The following NEMP2 variants were observed in gnomAD, a reference collection of about 807,000 sequenced individuals.
NEMP2 encodes the protein UPF0571 transmembrane protein.
In NEMP2, 53 loss-of-function variants were observed where a neutral mutation model predicts 54.2. The observed-to-expected ratio is 0.98, with a 90% CI of 0.78 to 1.23. NEMP2 has a LOEUF of 1.23. NEMP2 is among the 50% of genes most tolerant of loss of function. The pLI is 0.00. For missense variants in NEMP2, 455 were observed against 511.3 expected, an observed-to-expected ratio of 0.89 and a Z score of 1.06; for synonymous variants, 197 against 190.3, an observed-to-expected ratio of 1.04 and a Z score of -0.29.
At chr2:190,476,475 A>G in the NEMP2 span, among the ~76,000 whole-genome samples, 4 of 152,242 alleles carry the variant, frequency 2.6e-5, no homozygotes, top group South Asian at 8.3e-4. Context: ...ACTGGCCATC[A>G]GAGAAATGCA....
the NEMP2 span, among the ~76,000 whole-genome samples, chr2:190,545,398 A>G: frequency 6.6e-6 from 1 of 152,266 alleles, no homozygotes; most frequent in South Asian, 2.1e-4. Context: ...AAGATGATTT[A>G]CAGTGAGAGA....
the NEMP2 span, among the ~76,000 whole-genome samples, chr2:190,554,244 C>T: frequency 1.8e-4 from 28 of 152,264 alleles, no homozygotes; most frequent in East Asian, 2.3e-3. The surrounding 1 kb of genome is among the most constrained non-coding windows in gnomAD (Gnocchi z 5.7). Context: ...GGGCAGATAC[C>T]GAGCTAGCCG....
At chr2:190,628,723 C>A in the NEMP2 span, 11 of 152,032 alleles carry the variant, frequency 7.2e-5, no homozygotes, top group African/African-American at 1.9e-4. This position sits in a 1 kb window ranked among gnomAD's most constrained non-coding sequence, Gnocchi z 4.1. Flanking sequence ...ATCCTGCAGG[C>A]AGTGAAAGAG....
the NEMP2 span, among the ~76,000 whole-genome samples, chr2:190,578,261 G>A: frequency 2.0e-5 from 3 of 152,208 alleles, no homozygotes; most frequent in Non-Finnish European, 4.4e-5. This position sits in a 1 kb window ranked among gnomAD's most constrained non-coding sequence, Gnocchi z 4.4. Flanking sequence ...AGCCTGGAAT[G>A]GTTCCCTTGG....
the NEMP2 span, among the ~76,000 whole-genome samples, chr2:190,440,927 A>G: frequency 6.6e-6 from 1 of 152,188 alleles, no homozygotes; most frequent in Non-Finnish European, 1.5e-5. Context: ...GAACCAGAAC[A>G]GATAGCAAGA....
chr2:190,517,043 A>T (rs1297672134), intron 5 of NEMP2, among the ~76,000 whole-genome samples: 1 of 150,342 alleles, frequency 6.7e-6, no homozygotes, highest in East Asian at 2.0e-4. Flanking sequence ...GTGAGCCAAG[A>T]TCATGTCACT....
chr2:190,482,868 C>CTTTTTTTTTTTTTTTTTTTTT, the NEMP2 span, among the ~76,000 whole-genome samples: 1 of 48,290 alleles, frequency 2.1e-5, no homozygotes, highest in African/African-American at 9.1e-5. Context: ...AGACTATCAT[C>CTTTTTTTTTTTTTTTTTTTTT]TTTTTTTTTT....
the NEMP2 span, chr2:190,435,433 C>T: frequency 1.3e-5 from 2 of 152,550 alleles, no homozygotes; most frequent in African/African-American, 4.8e-5. Flanking sequence ...CCTTCATTAC[C>T]AGGGTATCTT....
chr2:190,453,807 C>T, the NEMP2 span, among the ~76,000 whole-genome samples: 1 of 152,170 alleles, frequency 6.6e-6, no homozygotes, highest in Non-Finnish European at 1.5e-5. Context: ...ACTTAGGTGT[C>T]ACTGTCTGTG....
At chr2:190,457,025 C>T in the NEMP2 span, among the ~76,000 whole-genome samples, 8 of 152,302 alleles carry the variant, frequency 5.3e-5, no homozygotes, top group East Asian at 1.9e-4. This position sits in a 1 kb window ranked among gnomAD's most constrained non-coding sequence, Gnocchi z 5.1. Flanking sequence ...TTAATCCGCG[C>T]GCACAGCTGA....
At chr2:190,499,925 A>G (rs1689937336), downstream of NEMP2, 5 of 1,590,044 alleles carry the variant, frequency 3.1e-6, no homozygotes, top group South Asian at 1.1e-5. This position sits in a 1 kb window ranked among gnomAD's most constrained non-coding sequence, Gnocchi z 6.0. Context: ...TGATCTCCCC[A>G]TGTTTCCTGT....
At chr2:190,494,091 AAAT>A in the NEMP2 span, among the ~76,000 whole-genome samples, 1 of 152,234 alleles carries the variant, frequency 6.6e-6, no homozygotes. The surrounding 1 kb of genome is among the most constrained non-coding windows in gnomAD (Gnocchi z 5.7). Flanking sequence ...AAGATAAATA[AAAT>A]TGATATATCA....
chr2:190,423,780 G>A, the NEMP2 span, among the ~76,000 whole-genome samples: 2 of 152,280 alleles, frequency 1.3e-5, no homozygotes, highest in Middle Eastern at 3.4e-3. The surrounding 1 kb of genome is among the most constrained non-coding windows in gnomAD (Gnocchi z 4.3). Context: ...TTTGGTAGTT[G>A]TGCCTCCTTA....
the NEMP2 span, among the ~76,000 whole-genome samples, chr2:190,433,888 C>T: frequency 6.6e-6 from 1 of 151,996 alleles, no homozygotes; most frequent in Non-Finnish European, 1.5e-5. The surrounding 1 kb of genome is among the most constrained non-coding windows in gnomAD (Gnocchi z 4.5). Flanking sequence ...ATATTTTTCT[C>T]TAGTAAAGAA....
chr2:190,573,469 C>T, the NEMP2 span, among the ~76,000 whole-genome samples: 5 of 152,112 alleles, frequency 3.3e-5, no homozygotes, highest in Admixed American at 2.6e-4. Context: ...CTCCCTTTGC[C>T]GTATGCCTGG....
the NEMP2 span, among the ~76,000 whole-genome samples, chr2:190,587,957 T>G: frequency 2.0e-5 from 3 of 152,090 alleles, no homozygotes; most frequent in African/African-American, 4.8e-5. This position sits in a 1 kb window ranked among gnomAD's most constrained non-coding sequence, Gnocchi z 5.4. Context: ...ACACTGAGCA[T>G]GAAAGGAGGA....
At chr2:190,590,878 C>G in the NEMP2 span, among the ~76,000 whole-genome samples, 22 of 152,190 alleles carry the variant, frequency 1.4e-4, no homozygotes, top group African/African-American at 5.1e-4. This position sits in a 1 kb window ranked among gnomAD's most constrained non-coding sequence, Gnocchi z 5.1. Context: ...TGTTAGCTTG[C>G]AAGTAGGGTA....
the NEMP2 span, among the ~76,000 whole-genome samples, chr2:190,623,307 G>GA: frequency 2.4e-4 from 36 of 150,384 alleles, no homozygotes; most frequent in Middle Eastern, 3.4e-3. Flanking sequence ...CACAGAAATA[G>GA]AAAAAAAAAC....
the NEMP2 span, among the ~76,000 whole-genome samples, chr2:190,580,441 C>A: frequency 2.6e-5 from 4 of 152,140 alleles, no homozygotes; most frequent in Admixed American, 6.6e-5. The surrounding 1 kb of genome is among the most constrained non-coding windows in gnomAD (Gnocchi z 5.3). Flanking sequence ...ATTCCAGGTT[C>A]TGCTGTCAAG....
Sources: allele counts gnomAD v4.1 joint callset (sites outside exome capture counted in the v4.1 genomes callset), GRCh38; gene constraint gnomAD v4.1.1; non-coding constraint Gnocchi (gnomAD v3.1); transcripts MANE v1.5; gene names NCBI Gene and HGNC (gene_info 2026-07-23, HGNC 2026-07-21).